The following ANO4 variants were observed in gnomAD, a reference collection of about 807,000 sequenced individuals.
ANO4 encodes anoctamin-4.
A neutral mutation model predicts 141.9 loss-of-function variants in ANO4; 69 were observed. The ratio of observed to expected loss-of-function variants is 0.49; its 90% CI spans 0.40 to 0.59. The LOEUF is 0.59. ANO4 is among the 20% of genes least tolerant of loss of function. ANO4 has a pLI of 0.00. For synonymous variants in ANO4, 350 were observed against 394.3 expected (o/e 0.89, Z 1.33); for missense variants, 894 against 1,162.2 (o/e 0.77, Z 3.36).
chr12:100,780,228 A>G (rs2033671650), intron 3 of ANO4, among the ~76,000 whole-genome samples: 1 of 151,456 alleles, frequency 6.6e-6, no homozygotes, highest in East Asian at 1.9e-4. Context: ...ATGCAGGAAA[A>G]CCCCCAAATT....
intron 1 of ANO4, among the ~76,000 whole-genome samples, chr12:100,829,017 C>CT (rs1179678092): frequency 1.5e-5 from 2 of 134,050 alleles, no homozygotes; most frequent in Non-Finnish European, 3.3e-5. Flanking sequence ...GAGACTCTGT[C>CT]TTAAAAAAAA....
intron 1 of ANO4, among the ~76,000 whole-genome samples, chr12:100,860,854 A>ACAGTGTGTC (rs2038431039): frequency 6.6e-6 from 1 of 152,218 alleles, no homozygotes; most frequent in Admixed American, 6.5e-5. Context: ...TATGACTATC[A>ACAGTGTGTC]CAGTGTGTCC....
At chr12:100,997,062 G>A (rs1052455608) in intron 8 of ANO4, among the ~76,000 whole-genome samples, 4 of 152,132 alleles carry the variant, frequency 2.6e-5, no homozygotes, top group Non-Finnish European at 5.9e-5. Context: ...TCAGCTGGGT[G>A]TGGTGGCTCA....
chr12:100,906,926 C>A (rs997592540), intron 2 of ANO4, among the ~76,000 whole-genome samples: 2 of 152,092 alleles, frequency 1.3e-5, no homozygotes, highest in African/African-American at 4.8e-5. Flanking sequence ...CTGGGAAGAT[C>A]CAGGTTTTCC....
At chr12:101,013,697 T>A (rs1297895509) in intron 8 of ANO4, among the ~76,000 whole-genome samples, 4 of 152,216 alleles carry the variant, frequency 2.6e-5, no homozygotes, top group African/African-American at 9.6e-5. Context: ...AAATTCACTT[T>A]CTTAGTTTTA....
chr12:100,776,634 T>G (rs1017715155), intron 3 of ANO4, among the ~76,000 whole-genome samples: 2 of 152,188 alleles, frequency 1.3e-5, no homozygotes, highest in African/African-American at 4.8e-5. Flanking sequence ...AATGGTAGCC[T>G]TTAAGAGCTA....
At chr12:100,881,555 G>A (rs1179434579) in intron 1 of ANO4, among the ~76,000 whole-genome samples, 2 of 152,134 alleles carry the variant, frequency 1.3e-5, no homozygotes, top group Non-Finnish European at 1.5e-5. Context: ...GCCATGGATT[G>A]TGATGGTATC....
At chr12:100,784,666 A>G (rs985688712) in intron 3 of ANO4, among the ~76,000 whole-genome samples, 1 of 152,170 alleles carries the variant, frequency 6.6e-6, no homozygotes, top group Non-Finnish European at 1.5e-5. Flanking sequence ...AAATGGGAGG[A>G]TCCTCCAAAG....
intron 8 of ANO4, among the ~76,000 whole-genome samples, chr12:101,005,760 A>G (rs2045847145): frequency 6.6e-6 from 1 of 152,204 alleles, no homozygotes; most frequent in Non-Finnish European, 1.5e-5. Context: ...GTATATGTGA[A>G]TTCTATAAAT....
intron 9 of ANO4, among the ~76,000 whole-genome samples, chr12:101,033,880 A>T (rs2047087076): frequency 1.3e-5 from 2 of 152,240 alleles, no homozygotes; most frequent in Non-Finnish European, 2.9e-5. Context: ...CAACAAACAT[A>T]TGAAGAAAGC....
intron 1 of ANO4, among the ~76,000 whole-genome samples, chr12:100,888,013 G>T (rs2039923050): frequency 6.6e-6 from 1 of 152,132 alleles, no homozygotes; most frequent in Admixed American, 6.5e-5. Flanking sequence ...GAATGTAAAG[G>T]TTTAAGATAA....
At chr12:101,103,056 T>A (rs2136975544) in intron 22 of ANO4, among the ~76,000 whole-genome samples, 1 of 151,086 alleles carries the variant, frequency 6.6e-6, no homozygotes, top group South Asian at 2.1e-4. Context: ...TATGTTTGCT[T>A]ATGCAAACTT....
chr12:100,965,775 A>G (rs991731131), intron 5 of ANO4, among the ~76,000 whole-genome samples: 2 of 152,042 alleles, frequency 1.3e-5, no homozygotes, highest in African/African-American at 4.8e-5. Context: ...ACCTAATCAC[A>G]GATCAACCAG....
At chr12:100,778,550 C>T (rs2135573600) in intron 3 of ANO4, among the ~76,000 whole-genome samples, 1 of 152,280 alleles carries the variant, frequency 6.6e-6, no homozygotes, top group Non-Finnish European at 1.5e-5. Context: ...TGGTTTAGGG[C>T]TGTCTCTTGC....
intron 5 of ANO4, among the ~76,000 whole-genome samples, chr12:100,955,786 C>T (rs2043151805): frequency 6.6e-6 from 1 of 152,124 alleles, no homozygotes; most frequent in Admixed American, 6.5e-5. Context: ...TGACCTGGGA[C>T]TTAAAGGATG....
chr12:101,086,978 C>T (rs560231616), intron 17 of ANO4, among the ~76,000 whole-genome samples, 154 bp downstream of exon 17: 1 of 152,248 alleles, frequency 6.6e-6, no homozygotes, highest in South Asian at 2.1e-4. Flanking sequence ...TGAAGATGCA[C>T]TTGGGTCTGA....
At chr12:100,717,907 C>T (rs1164039090) in intron 1 of ANO4, among the ~76,000 whole-genome samples, 1 of 152,220 alleles carries the variant, frequency 6.6e-6, no homozygotes, top group Non-Finnish European at 1.5e-5. Flanking sequence ...TCAGCCAGCG[C>T]TTATCTTGTC....
At chr12:100,833,774 C>T (rs969564968) in intron 1 of ANO4, among the ~76,000 whole-genome samples, 2 of 152,046 alleles carry the variant, frequency 1.3e-5, no homozygotes, top group Non-Finnish European at 2.9e-5. Flanking sequence ...GAGCCTCATC[C>T]TTCCCCACCC....
intron 1 of ANO4, among the ~76,000 whole-genome samples, chr12:100,874,304 C>A (rs980434206): frequency 6.6e-6 from 1 of 152,112 alleles, no homozygotes; most frequent in African/African-American, 2.4e-5. Context: ...CCTCTGGAAC[C>A]CAGAATGGTA....
Sources: allele counts gnomAD v4.1 joint callset (sites outside exome capture counted in the v4.1 genomes callset), GRCh38; gene constraint gnomAD v4.1.1; transcripts MANE v1.5; gene names NCBI Gene and HGNC (gene_info 2026-07-23, HGNC 2026-07-21).